PHC2: variants seen among roughly 807,000 people sequenced by gnomAD.
PHC2 encodes the protein polyhomeotic-like protein 2.
In PHC2, 29 loss-of-function variants were observed where a neutral mutation model predicts 87.4. The observed-to-expected ratio is 0.33, with a 90% confidence interval of 0.25 to 0.45. PHC2 has a LOEUF of 0.45. Ranked by LOEUF, PHC2 falls within the 20% of genes least tolerant of loss-of-function variation. The pLI is 1.00. For missense variants in PHC2, 857 were observed against 1,136.7 expected (o/e 0.75, Z 3.54); for synonymous variants, 438 against 461.7 (o/e 0.95, Z 0.66).
intron 1 of PHC2, among the ~76,000 whole-genome samples, chr1:33,377,383 G>A (rs1648240290): frequency 6.6e-6 from 1 of 152,120 alleles, no homozygotes. Context: ...CAGTCAGTAA[G>A]GAGGGCCATA....
At position 33,412,414 on chromosome 1, in the gene PHC2, G is replaced by A. The variant is rs1290237276; in HGVS notation, c.-55+18562C>T. ...CAAATACACACACACGTGCGTGCGCGTGCATTCAAACACTAAACATCACTT... is the reference window on the plus strand; with the variant it reads ...CAAATACACACACACGTGCGTGCGCATGCATTCAAACACTAAACATCACTT... On this transcript the variant is annotated intron_variant, in intron 1 of 14. Coordinates refer to ENST00000683057, the MANE Select transcript of PHC2 (RefSeq NM_001385109.1). 3.9e-5 allele frequency among the ~76,000 whole-genome samples: 6 copies of A among 152,260 alleles called. No individual in the cohort carries two copies. In the South Asian group the frequency reaches 8.3e-4, roughly 21 times the overall value.
chr1:33,375,283 C>G, intron 2 of PHC2, 83 bp downstream of exon 2: 1 of 1,172,412 alleles, frequency 8.5e-7, no homozygotes, highest in Non-Finnish European at 1.2e-6. Flanking sequence ...CTAGATTATC[C>G]CACCAGACCA....
At chr1:33,424,534 C>T (rs1362003119) in intron 1 of PHC2, among the ~76,000 whole-genome samples, 1 of 152,184 alleles carries the variant, frequency 6.6e-6, no homozygotes, top group Non-Finnish European at 1.5e-5. Context: ...CATTGATTTG[C>T]TGAAGCTTAC....
At chr1:33,339,987 T>A (rs1391604914) in intron 9 of PHC2, among the ~76,000 whole-genome samples, 1 of 152,142 alleles carries the variant, frequency 6.6e-6, no homozygotes, top group Non-Finnish European at 1.5e-5. Context: ...CAACAGGTAT[T>A]TCAGATGGCC....
At chr1:33,358,032 G>C (rs774097929) in intron 7 of PHC2, among the ~76,000 whole-genome samples, 1 of 152,174 alleles carries the variant, frequency 6.6e-6, no homozygotes, top group Non-Finnish European at 1.5e-5. Context: ...GGGCTTCAGA[G>C]TTTAATCTGT....
intron 1 of PHC2, among the ~76,000 whole-genome samples, chr1:33,416,321 A>C (rs1650201635): frequency 6.6e-6 from 1 of 151,938 alleles, no homozygotes; most frequent in African/African-American, 2.4e-5. Flanking sequence ...TAATCCTAGC[A>C]CTTTGGGAAG....
At position 33,372,279 on chromosome 1, in the gene PHC2, C is replaced by T; in HGVS notation, c.333+10G>A. 1.3e-6 allele frequency: 2 copies of T among 1,529,898 alleles called. No individual in the cohort carries two copies. The highest frequency in any genetic ancestry group is 2.0e-5 in the Admixed American group (1 of 50,528). 94.8% of individuals were successfully genotyped at this position (1,529,898 alleles called of 1,614,324 possible). On this transcript the variant is annotated intron_variant, in intron 3 of 14. Coordinates refer to ENST00000683057, the MANE Select transcript of PHC2 (RefSeq NM_001385109.1). Reference sequence around the variant, plus strand: ...CTGGCACCAGCCTCAAGGTCCTTCCCAAGTCTCACCTGCTGTACGGCTGCC... The same window carrying T: ...CTGGCACCAGCCTCAAGGTCCTTCCTAAGTCTCACCTGCTGTACGGCTGCC...
intron 7 of PHC2, among the ~76,000 whole-genome samples, chr1:33,365,883 G>T (rs1273958210): frequency 6.6e-6 from 1 of 151,740 alleles, no homozygotes; most frequent in African/African-American, 2.4e-5. Context: ...CTGTCTGTCA[G>T]GTCACATGCT....
rs1202143045 is a variant in PHC2 at position 33,371,075 on chromosome 1, C to T, written c.353G>A (p.Arg118Lys). The T allele has an allele frequency of 6.2e-7, 1 of 1,614,080 alleles. No individual in the cohort carries two copies. Among genetic ancestry groups the T allele is most frequent in the East Asian group, 2.2e-5 (1 of 44,886 alleles). ...ATTGCTGCCTGAAGTGCTTCCTTGT[C>T]TATTGGATACCAGGCTTGCCTAGGA... ...AVQQASLVSN[R>K]QGSTSGSNVS... The change falls in exon 4 of 15, where the codon AGA becomes AAA. Residue 118 changes from arginine to lysine, a missense_variant. Around this residue, in one of 3 missense-constraint regions of PHC2, gnomAD observed 832 missense variants for 1,081.8 expected, o/e 0.77. Transcript: ENST00000683057.
chr1:33,354,049 T>C (rs1330228103), intron 9 of PHC2, among the ~76,000 whole-genome samples: 5 of 152,260 alleles, frequency 3.3e-5, no homozygotes, highest in Admixed American at 3.3e-4. Context: ...AAGAACCCCC[T>C]TTCATACCAA....
Position 33,346,122 on chromosome 1 carries a change from G to A in PHC2, c.1558+8279C>T, listed in dbSNP as rs572552329. 2.9e-5 allele frequency: 29 copies of A among 985,296 alleles called. No homozygotes were observed. The South Asian group carries it at 1.3e-3, about 45-fold the overall frequency. The allele number at this position is 985,296 out of a possible 1,614,324, so 61.0% of individuals were successfully genotyped here. A position where few individuals can be genotyped will look rare whatever the true frequency, so the allele number is the denominator to read the frequency against. ...TGGGTTCCATGAAACAAGGTGTTAA[G>A]TCCCCAAAGAGAGAGCCATTTCTGT... On this transcript the variant is annotated intron_variant, in intron 9 of 14. Coordinates refer to ENST00000683057, the MANE Select transcript of PHC2 (RefSeq NM_001385109.1).
chr1:33,390,205 A>G lies in PHC2; in HGVS notation c.-54-14612T>C, dbSNP rs182635445. Among the ~76,000 whole-genome samples the G allele has an allele frequency of 2.6e-5, 4 of 152,314 alleles. No homozygotes were observed. In the East Asian group the frequency reaches 7.7e-4, roughly 29 times the overall value. On this transcript the variant is annotated intron_variant, in intron 1 of 14. Coordinates refer to ENST00000683057, the MANE Select transcript of PHC2 (RefSeq NM_001385109.1). ...ATCATCACTAGGGGCTCTTTTAACC[A>G]TGGTAGCATATAATTCTGTGAAAAC...
At chr1:33,379,092 G>C (rs779516275) in intron 1 of PHC2, among the ~76,000 whole-genome samples, 2 of 151,726 alleles carry the variant, frequency 1.3e-5, no homozygotes, top group African/African-American at 4.8e-5. Context: ...AGTCTTGAGG[G>C]AGCATGGCAT....
At chr1:33,356,686 ACTT>A (rs35112131) in intron 7 of PHC2, among the ~76,000 whole-genome samples, 26,190 of 152,140 alleles carry the variant, frequency 0.17, 2,773 homozygotes, top group South Asian at 0.27. Context: ...TCCCATGTCT[ACTT>A]CTTTCTACAC....
At position 33,372,334 on chromosome 1, in the gene PHC2, C is replaced by T. The variant is rs2148329051; in HGVS notation, c.288G>A (p.Gln96=). 6.2e-7 allele frequency: 1 copy of T among 1,602,068 alleles called. No individual in the cohort carries two copies. The highest frequency in any genetic ancestry group is 2.3e-5 in the East Asian group (1 of 44,212). ...LMLQTAALQQ[Q]HLSSAQLQSL... ...TCTGGAGCTGGGCGCTGCTGAGGTG[C>T]TGCTGCTGGAGCGCCGCGGTCTGCA... Residue 96 remains glutamine (Q), a synonymous_variant, in exon 3 of 15, where the codon CAG becomes CAA. Transcript: ENST00000683057.
Position 33,356,084 on chromosome 1 carries a change from T to C in PHC2, c.977-831A>G, listed in dbSNP as rs1647064852. ...ATTAAGGTGAGTTGTAATTGTTTCT[T>C]ATCTGTCTTCCAGATCATGAACTCC... On this transcript the variant is annotated intron_variant, in intron 7 of 14. Transcript: ENST00000683057. Among the ~76,000 whole-genome samples the C allele has an allele frequency of 9.9e-5, 15 of 151,996 alleles. 1 individual carries two copies. The highest frequency in any genetic ancestry group is 9.2e-4 in the Admixed American group (14 of 15,272).
In PHC2 at chr1:33,377,895, G is replaced by C. The variant is rs751208831; in HGVS notation, c.-54-2302C>G. On this transcript the variant is annotated intron_variant, in intron 1 of 14. Coordinates refer to ENST00000683057, the MANE Select transcript of PHC2 (RefSeq NM_001385109.1). ...AAAGTCTAAAAGACAGGAATGTTGG[G>C]AGTCTGGAAACCCAAGCCACTCCCA... is the stretch of plus-strand genomic sequence containing the variant. Among the ~76,000 whole-genome samples, 39 of 152,070 alleles carry C rather than the reference G, an allele frequency of 2.6e-4. 1 individual carries two copies. Among genetic ancestry groups the C allele is most frequent in the Non-Finnish European group, 4.6e-4 (31 of 68,018 alleles).
intron 1 of PHC2, among the ~76,000 whole-genome samples, chr1:33,420,177 C>G (rs556204423): frequency 1.3e-5 from 2 of 152,170 alleles, no homozygotes; most frequent in Non-Finnish European, 2.9e-5. Flanking sequence ...CTACAACAAA[C>G]CTGTTATGCA....
At chr1:33,408,226 AGTCTATTTTT>A (rs1342663394) in intron 1 of PHC2, among the ~76,000 whole-genome samples, 1 of 152,192 alleles carries the variant, frequency 6.6e-6, no homozygotes, top group Non-Finnish European at 1.5e-5. Context: ...TGAATCAGTT[AGTCTATTTTT>A]GTCACATCAC....
Sources: allele counts gnomAD v4.1 joint callset (sites outside exome capture counted in the v4.1 genomes callset), GRCh38; gene constraint gnomAD v4.1.1; regional missense constraint gnomAD v4.1.1; transcripts MANE v1.5; gene names NCBI Gene and HGNC (gene_info 2026-07-23, HGNC 2026-07-21).